Variants in CTNNA3 observed in about 807,000 individuals in gnomAD.
The protein encoded by CTNNA3 is catenin alpha 3.
A neutral mutation model predicts 95.7 loss-of-function variants in CTNNA3; 76 were observed. The observed-to-expected ratio is 0.79, with a 90% confidence interval of 0.66 to 0.96. The LOEUF is 0.96. Among genes scored for constraint, CTNNA3 ranks in the 40% least tolerant of loss-of-function variants. The pLI is 0.00. For missense variants in CTNNA3, 1,191 were observed against 1,089.8 expected (o/e 1.09, Z -1.31); for synonymous variants, 431 against 374.4 (o/e 1.15, Z -1.74).
intron 15 of CTNNA3, among the ~76,000 whole-genome samples, chr10:66,014,481 A>G (rs1207113312): frequency 6.6e-6 from 1 of 152,190 alleles, no homozygotes; most frequent in Non-Finnish European, 1.5e-5. Flanking sequence ...ATAGATTTGA[A>G]AAGTTCCCAA....
chr10:65,993,491 T>C (rs2078585656), intron 15 of CTNNA3, among the ~76,000 whole-genome samples: 2 of 152,226 alleles, frequency 1.3e-5, no homozygotes, highest in Admixed American at 6.5e-5. Context: ...TTATCTTTAA[T>C]ATAATGACCT....
At chr10:67,545,255 G>A (rs1180023801) in intron 3 of CTNNA3, among the ~76,000 whole-genome samples, 1 of 152,124 alleles carries the variant, frequency 6.6e-6, no homozygotes, top group East Asian at 1.9e-4. Flanking sequence ...ATAGGATATA[G>A]TAGAAGCTGT....
chr10:66,569,444 A>G (rs182886847), intron 10 of CTNNA3, among the ~76,000 whole-genome samples: 27 of 152,334 alleles, frequency 1.8e-4, no homozygotes, highest in African/African-American at 5.8e-4. Flanking sequence ...TGCAACAGAT[A>G]TACTTTGCAA....
intron 7 of CTNNA3, among the ~76,000 whole-genome samples, chr10:66,800,521 A>G (rs941906274): frequency 1.3e-5 from 2 of 151,270 alleles, no homozygotes; most frequent in Admixed American, 1.3e-4. Flanking sequence ...ACACTTATCT[A>G]TGAAAAAAAT....
intron 11 of CTNNA3, among the ~76,000 whole-genome samples, chr10:66,501,007 T>C (rs1041541377): frequency 2.0e-5 from 3 of 152,184 alleles, no homozygotes; most frequent in African/African-American, 7.2e-5. Flanking sequence ...GATGAAAGCC[T>C]GAAATCTCAA....
chr10:66,510,948 T>C (rs1401462651), intron 11 of CTNNA3, among the ~76,000 whole-genome samples: 2 of 151,856 alleles, frequency 1.3e-5, no homozygotes, highest in Non-Finnish European at 1.5e-5. Context: ...TTTTTTGGAA[T>C]AGTTTGAGAA....
intron 7 of CTNNA3, among the ~76,000 whole-genome samples, chr10:67,014,301 AT>A (rs1316300696): frequency 6.6e-6 from 1 of 152,136 alleles, no homozygotes. Context: ...TTACACAAAA[AT>A]TGTAATTTAT....
At chr10:65,935,473 C>G (rs2077322684) in intron 17 of CTNNA3, among the ~76,000 whole-genome samples, 1 of 151,968 alleles carries the variant, frequency 6.6e-6, no homozygotes, top group South Asian at 2.1e-4. Flanking sequence ...GGCAACTTGT[C>G]CTGTGCTAGA....
At chr10:67,376,564 C>T (rs1395928669) in intron 5 of CTNNA3, among the ~76,000 whole-genome samples, 2 of 152,198 alleles carry the variant, frequency 1.3e-5, no homozygotes, top group Non-Finnish European at 2.9e-5. Flanking sequence ...CTCACCGATG[C>T]TCTGTGGACA....
In CTNNA3 at chr10:65,924,995, T is replaced by C. The variant is rs191963564; in HGVS notation, c.2401-4378A>G. On this transcript the variant is annotated intron_variant, in intron 17 of 17. Transcript: ENST00000433211. ...GCCCCATGATTCAATTACCTCCCAC[T>C]GGGTCCCTCCCATGACACATGGGGA... Among the ~76,000 whole-genome samples the C allele has an allele frequency of 2.7e-3, 417 of 152,272 alleles. 3 individuals are homozygous for C. The highest frequency in any genetic ancestry group is 8.7e-3 in the African/African-American group (360 of 41,552).
chr10:66,144,792 A>T (rs2083797276), intron 13 of CTNNA3, among the ~76,000 whole-genome samples: 1 of 152,134 alleles, frequency 6.6e-6, no homozygotes, highest in Non-Finnish European at 1.5e-5. Context: ...CCAGCCTTCT[A>T]TTTAATTTTT....
At chr10:66,892,879 G>A (rs1383367668) in intron 7 of CTNNA3, among the ~76,000 whole-genome samples, 1 of 152,064 alleles carries the variant, frequency 6.6e-6, no homozygotes, top group African/African-American at 2.4e-5. Flanking sequence ...ACATAGTCAA[G>A]AAAGAAGGTG....
chr10:67,033,609 C>T (rs1018314087), intron 7 of CTNNA3, among the ~76,000 whole-genome samples: 2 of 152,114 alleles, frequency 1.3e-5, no homozygotes, highest in Non-Finnish European at 1.5e-5. Flanking sequence ...CATATTGTAA[C>T]TCATTTAATC....
chr10:65,975,704 C>G (rs2133285270), intron 16 of CTNNA3, among the ~76,000 whole-genome samples: 1 of 152,174 alleles, frequency 6.6e-6, no homozygotes, highest in African/African-American at 2.4e-5. Flanking sequence ...ACTCAAAGCA[C>G]CATTTTAATT....
At chr10:66,179,010 T>C (rs1226262412) in intron 13 of CTNNA3, among the ~76,000 whole-genome samples, 1 of 151,956 alleles carries the variant, frequency 6.6e-6, no homozygotes, top group African/African-American at 2.4e-5. Context: ...TTACAAAAAC[T>C]AACCATGCAA....
chr10:67,691,064 G>A (rs1054049183), intron 1 of CTNNA3, among the ~76,000 whole-genome samples: 27 of 152,196 alleles, frequency 1.8e-4, no homozygotes, highest in East Asian at 3.9e-4. Flanking sequence ...ACTGGTTTTC[G>A]TATTTTTTTG....
chr10:67,442,751 C>T (rs554788909), intron 5 of CTNNA3, among the ~76,000 whole-genome samples: 4 of 151,978 alleles, frequency 2.6e-5, no homozygotes, highest in African/African-American at 9.6e-5. Flanking sequence ...ACAGGTAGAC[C>T]TCAATATAAT....
chr10:66,017,383 A>G (rs2079114145), intron 15 of CTNNA3, among the ~76,000 whole-genome samples: 1 of 152,124 alleles, frequency 6.6e-6, no homozygotes, highest in African/African-American at 2.4e-5. Flanking sequence ...GTAAAGACCT[A>G]GATAGTCAAA....
intron 13 of CTNNA3, among the ~76,000 whole-genome samples, chr10:66,118,649 T>C (rs2082440734): frequency 6.6e-6 from 1 of 152,202 alleles, no homozygotes; most frequent in Non-Finnish European, 1.5e-5. Flanking sequence ...GAACTTTTTC[T>C]CCCTGCAGAT....
Sources: gnomAD v4.1 joint callset for allele counts (sites outside exome capture counted in the v4.1 genomes callset) on GRCh38, gnomAD v4.1.1 for gene constraint, MANE v1.5 for transcripts, NCBI Gene and HGNC (gene_info 2026-07-23, HGNC 2026-07-21) for gene names.